GCN1: variants seen among roughly 807,000 people sequenced by gnomAD.
GCN1 encodes GCN1 activator of EIF2AK4.
A neutral mutation model predicts 288.4 loss-of-function variants in GCN1; 90 were observed. The ratio of observed to expected loss-of-function variants is 0.31; its 90% CI spans 0.26 to 0.37. GCN1 has a LOEUF of 0.37. Among genes scored for constraint, GCN1 ranks in the 10% least tolerant of loss-of-function variants. GCN1 has a pLI of 1.00. For synonymous variants in GCN1, 1,386 were observed against 1,420.2 expected, an observed-to-expected ratio of 0.98 and a Z score of 0.54; for missense variants, 2,586 against 3,419.9, an observed-to-expected ratio of 0.76 and a Z score of 6.08.
Position 120,156,753 on chromosome 12 carries a change from A to T in GCN1, c.3169-149T>A. 3.2e-6 allele frequency: 3 copies of T among 935,054 alleles called. No homozygotes were observed. In the South Asian group the frequency reaches 4.6e-5, roughly 14 times the overall value. The allele number at this position is 935,054 out of a possible 1,614,324, so 57.9% of individuals were successfully genotyped here. A position where few individuals can be genotyped will look rare whatever the true frequency, so the allele number is the denominator to read the frequency against. On this transcript the variant is annotated intron_variant, in intron 27 of 57. Coordinates refer to ENST00000300648, the MANE Select transcript of GCN1 (RefSeq NM_006836.2). The surrounding 1 kb of genome is among the most constrained non-coding windows in gnomAD (Gnocchi z 5.8). ...TGGCAGGACCCAAGCAAAACCCCTC[A>T]CTAGCTAACAACAGTCAGGCTGGCT...
At chr12:120,161,778 G>A in intron 21 of GCN1, 102 bp downstream of exon 21, 1 of 1,165,716 alleles carries the variant, frequency 8.6e-7, no homozygotes, top group East Asian at 2.3e-5. Context: ...TGAATGGATA[G>A]GCTGTTGCAT....
intron 2 of GCN1, among the ~76,000 whole-genome samples, chr12:120,187,709 C>T (rs7974732): frequency 0.42 from 63,316 of 151,652 alleles, 14,813 homozygotes; most frequent in South Asian, 0.63. Context: ...CCTCCCACCT[C>T]TCAACCTCCC....
chr12:120,177,216 GC>G (rs1391749309), intron 9 of GCN1, among the ~76,000 whole-genome samples: 1 of 152,018 alleles, frequency 6.6e-6, no homozygotes, highest in African/African-American at 2.4e-5. Context: ...CAAGTGATCT[GC>G]CCACTGCCGC....
intron 2 of GCN1, among the ~76,000 whole-genome samples, chr12:120,185,742 A>C (rs939472861): frequency 3.3e-5 from 5 of 152,132 alleles, no homozygotes; most frequent in African/African-American, 4.8e-5. Context: ...CTGAGACTAA[A>C]GGTGCGCACC....
Position 120,144,175 on chromosome 12 carries a change from T to C in GCN1, c.5495+131A>G, listed in dbSNP as rs1877286004. On this transcript the variant is annotated intron_variant, in intron 42 of 57. Coordinates refer to ENST00000300648, the MANE Select transcript of GCN1 (RefSeq NM_006836.2). The surrounding 1 kb of genome is among the most constrained non-coding windows in gnomAD (Gnocchi z 4.7). ...ATTTTTTATAGAGACAGGGTCTCAC[T>C]ATGTTGCCAGGGCTCATCGTAAACT... is the stretch of plus-strand genomic sequence containing the variant. The C allele has an allele frequency of 1.1e-6, 1 of 942,734 alleles. No homozygotes were observed. The highest frequency in any genetic ancestry group is 1.7e-6 in the Non-Finnish European group (1 of 602,338). The allele number at this position is 942,734 out of a possible 1,614,324, so 58.4% of individuals were successfully genotyped here.
chr12:120,162,124 C>G, intron 20 of GCN1, 66 bp from the exon 21 acceptor site: 1 of 1,310,378 alleles, frequency 7.6e-7, no homozygotes, highest in South Asian at 1.3e-5. Flanking sequence ...GTCCACCACA[C>G]CTGAATGCCC....
intron 50 of GCN1, 54 bp from the exon 51 acceptor site, chr12:120,136,786 G>T: frequency 7.4e-7 from 1 of 1,359,628 alleles, no homozygotes; most frequent in Non-Finnish European, 1.0e-6. Context: ...GGGCCCTGGT[G>T]TCTCCCATGC....
At chr12:120,164,297 G>T (rs757363098) in intron 18 of GCN1, 39 bp downstream of exon 18, 1 of 1,576,660 alleles carries the variant, frequency 6.3e-7, no homozygotes, top group South Asian at 1.1e-5. Flanking sequence ...CAGCTAAGTG[G>T]ATCCAAGAGC....
chr12:120,157,739 T>A, intron 26 of GCN1, 110 bp downstream of exon 26: 1 of 897,490 alleles, frequency 1.1e-6, no homozygotes, highest in Non-Finnish European at 1.7e-6. Flanking sequence ...GGTATAAACA[T>A]ACACTCTCTA....
intron 16 of GCN1, 27 bp from the exon 17 acceptor site, chr12:120,164,748 T>A: frequency 6.5e-7 from 1 of 1,533,114 alleles, no homozygotes; most frequent in Non-Finnish European, 9.0e-7. Context: ...GGAATGGAAG[T>A]GTTTTTAAAA....
chr12:120,161,590 C>T lies in GCN1; in HGVS notation c.2343-7G>A, dbSNP rs763105201. 2 of 1,603,974 alleles carry T rather than the reference C, an allele frequency of 1.2e-6. No individual in the cohort carries two copies. The highest frequency in any genetic ancestry group is 1.7e-6 in the Non-Finnish European group (2 of 1,170,884). On this transcript the variant is annotated splice_polypyrimidine_tract_variant and splice_region_variant and intron_variant, in intron 21 of 57. Coordinates refer to ENST00000300648, the MANE Select transcript of GCN1 (RefSeq NM_006836.2). ...TATGCTGTCCTGCTGGGCACTGAAACACCAGAGTGGGTCATCAGCCAGCTT... is the reference window on the plus strand; with the variant it reads ...TATGCTGTCCTGCTGGGCACTGAAATACCAGAGTGGGTCATCAGCCAGCTT...
chr12:120,131,394 G>A, intron 54 of GCN1, 61 bp from the exon 55 acceptor site: 2 of 1,553,776 alleles, frequency 1.3e-6, no homozygotes, highest in South Asian at 1.1e-5. Flanking sequence ...CAGCACCCAT[G>A]AGGCCCATGG....
chr12:120,135,353 C>T (rs1031046029), intron 51 of GCN1, among the ~76,000 whole-genome samples: 1 of 152,036 alleles, frequency 6.6e-6, no homozygotes, highest in Non-Finnish European at 1.5e-5. Flanking sequence ...TAAAGATTTA[C>T]TTACTGTTTT....
At chr12:120,154,289 A>G (rs1269983861) in intron 31 of GCN1, among the ~76,000 whole-genome samples, 1 of 152,134 alleles carries the variant, frequency 6.6e-6, no homozygotes, top group Non-Finnish European at 1.5e-5. Context: ...AAGTGTTGTT[A>G]CTCTTTCCAG....
intron 2 of GCN1, among the ~76,000 whole-genome samples, chr12:120,188,342 G>A (rs971746936): frequency 5.3e-5 from 8 of 150,408 alleles, no homozygotes; most frequent in Non-Finnish European, 8.9e-5. Flanking sequence ...GCTGAGGCAG[G>A]AGAATCACTT....
At chr12:120,170,062 T>G in intron 15 of GCN1, 107 bp downstream of exon 15, 1 of 944,084 alleles carries the variant, frequency 1.1e-6, no homozygotes, top group Non-Finnish European at 1.7e-6. Context: ...CTGTGGCTGA[T>G]CCAGTGTGGT....
intron 18 of GCN1, 40 bp from the exon 19 acceptor site, chr12:120,163,299 G>A (rs775940332): frequency 6.5e-7 from 1 of 1,529,506 alleles, no homozygotes; most frequent in Non-Finnish European, 9.1e-7. Context: ...TAAGAGCCCT[G>A]TGCAGGCTTG....
At chr12:120,173,591 A>G in intron 14 of GCN1, 62 bp downstream of exon 14, 1 of 917,090 alleles carries the variant, frequency 1.1e-6, no homozygotes, top group Admixed American at 2.0e-5. Flanking sequence ...CACTAACAAT[A>G]CCCTAAAGAC....
chr12:120,193,809 G>C (rs143143798), intron 1 of GCN1, among the ~76,000 whole-genome samples: 81 of 152,274 alleles, frequency 5.3e-4, no homozygotes, highest in African/African-American at 1.9e-3. Flanking sequence ...CTGCATAGGA[G>C]TCTCAGTAAA....
Sources: allele counts gnomAD v4.1 joint callset (sites outside exome capture counted in the v4.1 genomes callset), GRCh38; gene constraint gnomAD v4.1.1; non-coding constraint Gnocchi (gnomAD v3.1); transcripts MANE v1.5; gene names NCBI Gene and HGNC (gene_info 2026-07-23, HGNC 2026-07-21).